The following SASH1 variants were observed in gnomAD, a reference collection of about 807,000 sequenced individuals.
SASH1 encodes the protein SAM and SH3 domain-containing protein 1.
SASH1 carries 44 observed loss-of-function variants against 125.2 expected under a neutral mutation model. That is an observed-to-expected ratio of 0.35 (90% CI 0.28 to 0.45). SASH1 has a LOEUF of 0.45. SASH1 is among the 20% of genes least tolerant of loss of function. The pLI is 1.00. For synonymous variants in SASH1, 639 were observed against 649.1 expected (o/e 0.98, Z 0.24); for missense variants, 1,426 against 1,614.5 (o/e 0.88, Z 2.00).
intron 4 of SASH1, among the ~76,000 whole-genome samples, chr6:148,445,872 A>G (rs2115020472): frequency 6.6e-6 from 1 of 152,232 alleles, no homozygotes; most frequent in African/African-American, 2.4e-5. Context: ...CAGGGGGCCC[A>G]GGATATAGTG....
chr6:148,198,885 A>G, the SASH1 span, among the ~76,000 whole-genome samples: 1 of 152,212 alleles, frequency 6.6e-6, no homozygotes, highest in Non-Finnish European at 1.5e-5. Flanking sequence ...GCTAGTGCTG[A>G]GTATAGCTGT....
chr6:148,363,724 C>T (rs1238426422), intron 1 of SASH1, among the ~76,000 whole-genome samples: 1 of 151,864 alleles, frequency 6.6e-6, no homozygotes, highest in African/African-American at 2.4e-5. Flanking sequence ...TTAACCTCTG[C>T]TTCAGACCCC....
At chr6:148,349,056 A>C (rs1475907072) in intron 1 of SASH1, among the ~76,000 whole-genome samples, 4 of 152,050 alleles carry the variant, frequency 2.6e-5, no homozygotes, top group Non-Finnish European at 5.9e-5. Context: ...AGGGATAAAA[A>C]GGAAGGTGCG....
intron 8 of SASH1, among the ~76,000 whole-genome samples, chr6:148,492,679 G>C (rs1436897100): frequency 6.6e-6 from 1 of 152,072 alleles, no homozygotes; most frequent in Non-Finnish European, 1.5e-5. Context: ...AAATTAGCCA[G>C]ATGTGGTGGT....
chr6:148,514,301 T>G (rs201901289), intron 8 of SASH1, 23 bp from the exon 9 acceptor site: 4 of 685,150 alleles, frequency 5.8e-6, no homozygotes, highest in Non-Finnish European at 8.5e-6. Context: ...CCTGATTAAC[T>G]TTTTCCTTTG....
chr6:148,275,902 G>A (rs1283469252), intron 1 of SASH1, among the ~76,000 whole-genome samples: 2 of 152,116 alleles, frequency 1.3e-5, no homozygotes, highest in Non-Finnish European at 2.9e-5. Context: ...TTTATTATTT[G>A]TAGAGACAGG....
chr6:148,392,189 G>T (rs893046183), intron 2 of SASH1, among the ~76,000 whole-genome samples: 4 of 151,894 alleles, frequency 2.6e-5, no homozygotes, highest in African/African-American at 9.7e-5. Flanking sequence ...GGGAGGCTGA[G>T]GCAGGAGAAT....
the SASH1 span, among the ~76,000 whole-genome samples, chr6:148,238,620 A>G: frequency 1.6e-5 from 1 of 62,768 alleles, no homozygotes; most frequent in African/African-American, 9.9e-5. Context: ...TGTCATACAC[A>G]CACATACACA....
chr6:148,359,008 T>C lies in SASH1; in HGVS notation c.156+15785T>C, dbSNP rs139974340. On this transcript the variant is annotated intron_variant, in intron 1 of 19. Coordinates refer to ENST00000367467, the MANE Select transcript of SASH1 (RefSeq NM_015278.5). ...CCTTGGCCTCCCAAAGTGCAGGGAT[T>C]ACAGGCGTGAGCCACTACACCCGGC... is the stretch of plus-strand genomic sequence containing the variant. 7.3e-3 allele frequency among the ~76,000 whole-genome samples: 1,106 copies of C among 152,248 alleles called. 12 individuals carry two copies. The highest frequency in any genetic ancestry group is 0.025 in the African/African-American group (1,020 of 41,560).
chr6:148,308,896 C>T (rs1324137621), intron 1 of SASH1, among the ~76,000 whole-genome samples: 1 of 150,610 alleles, frequency 6.6e-6, no homozygotes, highest in Non-Finnish European at 1.5e-5. Flanking sequence ...CCAGCCTGAC[C>T]AACGTGGCAA....
At chr6:148,492,509 G>A (rs1779147805) in intron 8 of SASH1, among the ~76,000 whole-genome samples, 1 of 152,136 alleles carries the variant, frequency 6.6e-6, no homozygotes, top group Non-Finnish European at 1.5e-5. Context: ...TTATGCTGTA[G>A]AGCAGAGGTT....
intron 2 of SASH1, among the ~76,000 whole-genome samples, chr6:148,423,509 C>G (rs546650421): frequency 1.6e-4 from 25 of 152,310 alleles, no homozygotes; most frequent in Non-Finnish European, 2.6e-4. Context: ...AAAATGTGAG[C>G]TGATCTATTA....
chr6:148,440,052 T>C, intron 2 of SASH1, 132 bp from the exon 3 acceptor site: 1 of 724,300 alleles, frequency 1.4e-6, no homozygotes, highest in South Asian at 1.7e-5. Flanking sequence ...AATCTGTTTA[T>C]CTCTGCCATC....
At chr6:148,301,652 C>T (rs1350419400) in intron 1 of SASH1, among the ~76,000 whole-genome samples, 6 of 151,634 alleles carry the variant, frequency 4.0e-5, no homozygotes, top group Non-Finnish European at 5.9e-5. Flanking sequence ...GATCATGGCT[C>T]GCTACAGCCT....
In SASH1 at chr6:148,280,100, A is replaced by G. The variant is rs1040545568; in HGVS notation, n.74+7723A>G. On this transcript the variant is annotated intron_variant and non_coding_transcript_variant, in intron 1 of 3. Coordinates refer to the SASH1 transcript ENST00000367469. ...CCCCCGACATAACAAAAGAAAAAAA[A>G]GATTGTGTATTTTCAACACGGCAAG... is the stretch of plus-strand genomic sequence containing the variant. Among the ~76,000 whole-genome samples, 5 of 135,988 alleles carry G rather than the reference A, an allele frequency of 3.7e-5. No individual in the cohort carries two copies. The Admixed American group carries it at 4.3e-4, about 12-fold the overall frequency. 89.2% of individuals were successfully genotyped at this position (135,988 alleles called of 152,430 possible).
At chr6:148,268,105 T>C (rs1003008541), upstream of SASH1, among the ~76,000 whole-genome samples, 8 of 152,210 alleles carry the variant, frequency 5.3e-5, no homozygotes, top group African/African-American at 1.9e-4. Flanking sequence ...TCCTGAACTT[T>C]CTAGTTCAGG....
the SASH1 span, among the ~76,000 whole-genome samples, chr6:148,219,572 G>A: frequency 9.4e-4 from 143 of 152,140 alleles, 1 homozygote; most frequent in Non-Finnish European, 1.1e-3. Context: ...CCCAAACAAC[G>A]CAGATACAGG....
chr6:148,537,826 GT>G (rs1781952072), intron 16 of SASH1, among the ~76,000 whole-genome samples: 1 of 137,026 alleles, frequency 7.3e-6, no homozygotes, highest in South Asian at 2.3e-4. Context: ...GTGTGTGTGT[GT>G]GTGTGGTTGG....
intron 8 of SASH1, among the ~76,000 whole-genome samples, chr6:148,490,979 C>T (rs573153716): frequency 6.6e-6 from 1 of 152,274 alleles, no homozygotes; most frequent in African/African-American, 2.4e-5. Flanking sequence ...CCAAAATTTT[C>T]CTGGTAAAAA....
Sources: gnomAD v4.1 joint callset for allele counts (sites outside exome capture counted in the v4.1 genomes callset) on GRCh38, gnomAD v4.1.1 for gene constraint, MANE v1.5 for transcripts, NCBI Gene and HGNC (gene_info 2026-07-23, HGNC 2026-07-21) for gene names.